UNKL: variants seen among roughly 807,000 people sequenced by gnomAD.
The protein encoded by UNKL is unk like zinc finger, also known as putative E3 ubiquitin-protein ligase UNKL.
A neutral mutation model predicts 78.0 loss-of-function variants in UNKL; 60 were observed. The ratio of observed to expected loss-of-function variants is 0.77; its 90% CI spans 0.63 to 0.95. The LOEUF is 0.95. Ranked by LOEUF, UNKL falls within the 40% of genes least tolerant of loss-of-function variation. The pLI, the probability that UNKL is intolerant of heterozygous loss-of-function variation, is 0.00. For missense variants in UNKL, 1,159 were observed against 1,045.7 expected (o/e 1.11, Z -1.49); for synonymous variants, 608 against 474.8 (o/e 1.28, Z -3.65).
intron 2 of UNKL, among the ~76,000 whole-genome samples, chr16:1,410,339 G>A (rs1201503073): frequency 6.6e-6 from 1 of 151,952 alleles, no homozygotes; most frequent in Non-Finnish European, 1.5e-5. Flanking sequence ...CAGGCACGGT[G>A]GCCCATGCCT....
At chr16:1,366,546 C>T (rs1349359872) in intron 14 of UNKL, among the ~76,000 whole-genome samples, 151 bp from the exon 15 acceptor site, 1 of 152,226 alleles carries the variant, frequency 6.6e-6, no homozygotes, top group Non-Finnish European at 1.5e-5. Flanking sequence ...CCAGCCAGGG[C>T]CACCTCAGGG....
At chr16:1,394,059 G>A (rs1177995071) in intron 7 of UNKL, 72 bp downstream of exon 7, 56 of 1,472,360 alleles carry the variant, frequency 3.8e-5, no homozygotes, top group African/African-American at 1.1e-4. Flanking sequence ...CCGGGTCATC[G>A]GTAACTCCAG....
At chr16:1,374,802 G>A (rs891303848) in intron 10 of UNKL, among the ~76,000 whole-genome samples, 2 of 152,174 alleles carry the variant, frequency 1.3e-5, no homozygotes, top group Non-Finnish European at 2.9e-5. Context: ...GGAGAAACAA[G>A]GACTCGGCAG....
Position 1,387,361 on chromosome 16 carries a change from T to G in UNKL, c.1087-1976A>C, listed in dbSNP as rs2036857509. Among the ~76,000 whole-genome samples, 1 of 152,158 alleles carries G rather than the reference T, an allele frequency of 6.6e-6. No individual in the cohort carries two copies. The highest frequency in any genetic ancestry group is 2.4e-5 in the African/African-American group (1 of 41,440). On this transcript the variant is annotated intron_variant, in intron 9 of 14. Transcript: ENST00000389221. This position sits in a 1 kb window ranked among gnomAD's most constrained non-coding sequence, Gnocchi z 4.1. ...ACACTATGGGTGATTCGAGACCTGG[T>G]GCCATCTCAGTGGCAACCCGCCCCC... is the stretch of plus-strand genomic sequence containing the variant.
At chr16:1,371,669 CCTAG>C in intron 10 of UNKL, 58 bp from the exon 11 acceptor site, 3 of 1,513,488 alleles carry the variant, frequency 2.0e-6, no homozygotes, top group Non-Finnish European at 2.7e-6. Flanking sequence ...GCTCAGGAAG[CCTAG>C]CTGAGGAGGA....
chr16:1,384,301 A>C (rs1317962527), intron 10 of UNKL, among the ~76,000 whole-genome samples: 3 of 141,448 alleles, frequency 2.1e-5, no homozygotes, highest in Non-Finnish European at 3.0e-5. Context: ...GCTGAAAGGG[A>C]CCAAGGACAC....
chr16:1,386,427 G>A (rs903105158), intron 9 of UNKL, among the ~76,000 whole-genome samples: 2 of 152,164 alleles, frequency 1.3e-5, no homozygotes, highest in East Asian at 1.9e-4. Flanking sequence ...GGTGGTGGGC[G>A]CCTGTAATCC....
In UNKL at chr16:1,367,483, GCCCTCCCTCCCTCCCT is replaced by G. The variant is rs373794471; in HGVS notation, c.1789-150_1789-135del. 3,030 of 568,854 alleles carry G rather than the reference GCCCTCCCTCCCTCCCT, an allele frequency of 5.3e-3. 57 individuals carry two copies. Among genetic ancestry groups the G allele is most frequent in the African/African-American group, 0.049 (1,005 of 20,466 alleles). 35.2% of individuals were successfully genotyped at this position (568,854 alleles called of 1,614,324 possible). On this transcript the variant is annotated intron_variant, in intron 13 of 14. Coordinates refer to ENST00000389221, the MANE Select transcript of UNKL (RefSeq NM_001372107.1). ...GGCCCCCTCACCTGAGACCCCTGCG[GCCCTCCCTCCCTCCCT>G]CCCTCCCTCCCTCCCCCTCCCGTCT...
rs1018283678 is a variant in UNKL, at chr16:1,363,352, C to A, written c.*2888G>T. ...TACAAGTAAATGATTATAAATACTA[C>A]CTTCTGGGTTAAGAAAATTCCATTC... is the stretch of plus-strand genomic sequence containing the variant. On this transcript the variant is annotated 3_prime_UTR_variant, in exon 15 of 15. Transcript: ENST00000389221. The A allele has an allele frequency of 4.2e-6, 2 of 475,126 alleles. No homozygotes were observed. The highest frequency in any genetic ancestry group is 4.2e-5 in the South Asian group (2 of 47,394). The allele number at this position is 475,126 out of a possible 1,614,324, so 29.4% of individuals were successfully genotyped here.
intron 4 of UNKL, among the ~76,000 whole-genome samples, chr16:1,400,834 CCCA>C (rs1314779303): frequency 6.6e-6 from 1 of 151,954 alleles, no homozygotes; most frequent in African/African-American, 2.4e-5. Flanking sequence ...ATTACAGGCG[CCCA>C]CCACCACAAC....
At chr16:1,395,735 C>G (rs951259892) in intron 6 of UNKL, 6 of 456,484 alleles carry the variant, frequency 1.3e-5, no homozygotes, top group Non-Finnish European at 2.6e-5. Flanking sequence ...CAGCTGGGTA[C>G]CAGAGACTGG....
At chr16:1,398,889 T>A (rs1240245161) in intron 5 of UNKL, 2 of 1,573,094 alleles carry the variant, frequency 1.3e-6, no homozygotes, top group Non-Finnish European at 1.7e-6. Context: ...AGGGCGACCC[T>A]TGGGTTGTTG....
intron 6 of UNKL, among the ~76,000 whole-genome samples, chr16:1,396,653 G>C (rs1319632556): frequency 3.3e-5 from 5 of 152,006 alleles, no homozygotes; most frequent in African/African-American, 1.2e-4. Flanking sequence ...GAGTGCAGTG[G>C]CACGATCTCA....
In UNKL at chr16:1,392,775, G is replaced by T. The variant is rs749127318; in HGVS notation, c.1023+116C>A. ...TTCTAGACTCTTCTAGAAGAGCCAC[G>T]AACTCCACAGACTGCCCACGACCAC... On this transcript the variant is annotated intron_variant, in intron 8 of 14. Coordinates refer to ENST00000389221, the MANE Select transcript of UNKL (RefSeq NM_001372107.1). The T allele has an allele frequency of 3.2e-6, 4 of 1,244,270 alleles. No homozygotes were observed. The African/African-American group carries it at 4.5e-5, about 14-fold the overall frequency. The allele number at this position is 1,244,270 out of a possible 1,614,324, so 77.1% of individuals were successfully genotyped here.
At chr16:1,382,015 C>G (rs2036623774) in intron 10 of UNKL, among the ~76,000 whole-genome samples, 1 of 152,212 alleles carries the variant, frequency 6.6e-6, no homozygotes, top group African/African-American at 2.4e-5. Context: ...TCCAAGTGCT[C>G]TGTCCCTGGG....
In UNKL at chr16:1,399,553, C is replaced by T. The variant is rs1387823674; in HGVS notation, c.599-44G>A. On this transcript the variant is annotated intron_variant, in intron 4 of 14. Transcript: ENST00000389221. This position sits in a 1 kb window ranked among gnomAD's most constrained non-coding sequence, Gnocchi z 5.8. ...GGTGCCTGAGCAGCGCGACTGGAAG[C>T]AATGCTGGGCAGAGGAGACCAAAGG... 1.9e-6 allele frequency: 3 copies of T among 1,559,690 alleles called. No individual in the cohort carries two copies. Among genetic ancestry groups the T allele is most frequent in the East Asian group, 2.4e-5 (1 of 41,728 alleles).
intron 12 of UNKL, chr16:1,368,072 G>C (rs113400241): frequency 2.7e-4 from 137 of 507,190 alleles, no homozygotes; most frequent in African/African-American, 2.5e-3. Context: ...TGCCCCGGCC[G>C]GTCTCCCCAC....
At chr16:1,395,165 A>ATTT (rs35706255) in intron 6 of UNKL, among the ~76,000 whole-genome samples, 2 of 105,538 alleles carry the variant, frequency 1.9e-5, no homozygotes, top group African/African-American at 3.7e-5. Flanking sequence ...CGGTCTGTTC[A>ATTT]TTTTTTTTTT....
At chr16:1,368,885 T>C (rs927502153) in intron 12 of UNKL, among the ~76,000 whole-genome samples, 2 of 151,906 alleles carry the variant, frequency 1.3e-5, no homozygotes, top group Non-Finnish European at 2.9e-5. Flanking sequence ...AGTGAAACTT[T>C]GTTTTAAAAA....
Sources: gnomAD v4.1 joint callset for allele counts (sites outside exome capture counted in the v4.1 genomes callset) on GRCh38, gnomAD v4.1.1 for gene constraint, Gnocchi (gnomAD v3.1) non-coding constraint, MANE v1.5 for transcripts, NCBI Gene and HGNC (gene_info 2026-07-23, HGNC 2026-07-21) for gene names.